The following PACRGL variants were observed in gnomAD, a reference collection of about 807,000 sequenced individuals.
PACRGL encodes parkin coregulated like.
A neutral mutation model predicts 34.5 loss-of-function variants in PACRGL; 38 were observed. That is an observed-to-expected ratio of 1.10 (90% CI 0.85 to 1.44). PACRGL has a LOEUF of 1.44. PACRGL is among the 40% of genes most tolerant of loss of function. The probability of loss-of-function intolerance (pLI) is 0.00; values close to 1 mark genes in which losing one functional copy is unlikely to be tolerated. For synonymous variants in PACRGL, 128 were observed against 100.1 expected, an observed-to-expected ratio of 1.28 and a Z score of -1.66; for missense variants, 305 against 281.4, an observed-to-expected ratio of 1.08 and a Z score of -0.60.
intron 7 of PACRGL, chr4:20,715,974 A>AT (rs2149124189): frequency 1.3e-6 from 1 of 765,476 alleles, no homozygotes; most frequent in East Asian, 2.7e-5. Flanking sequence ...GTCTTGTGTA[A>AT]TTATATGTTA....
chr4:20,746,697 G>A lies in PACRGL; in HGVS notation c.*57-5868G>A, dbSNP rs79683749. On this transcript the variant is annotated intron_variant, in intron 8 of 8. Transcript: ENST00000507634. ...ATGTTTTAGCAGTATGAATGCTAAG[G>A]TTAAGAAGGTTAAGTACTCAGCCTA... Among the ~76,000 whole-genome samples the A allele has an allele frequency of 9.8e-4, 149 of 152,212 alleles. 1 individual carries two copies. Among genetic ancestry groups the A allele is most frequent in the African/African-American group, 3.5e-3 (144 of 41,532 alleles).
chr4:20,730,430 CTACAGAGG>C lies in PACRGL; in HGVS notation c.*3091_*3098del. On this transcript the variant is annotated 3_prime_UTR_variant, in exon 9 of 9. Coordinates refer to ENST00000503585, the MANE Select transcript of PACRGL (RefSeq NM_001258345.3). ...TCAAATCATAATGCCAAAATGGAAA[CTACAGAGG>C]TGCAGAGGTGTGTCAAAGCAAATGA... 6.6e-6 allele frequency among the ~76,000 whole-genome samples: 1 copy of C among 152,068 alleles called. No homozygotes were observed. The highest frequency in any genetic ancestry group is 1.5e-5 in the Non-Finnish European group (1 of 68,010).
In PACRGL at chr4:20,732,100, G is replaced by T; in HGVS notation, c.*4759G>T. ...AGGAAGAAAACAAAAATTGTATTTA[G>T]ACTTATCCCTTAATACCCTCACACC... On this transcript the variant is annotated 3_prime_UTR_variant, in exon 9 of 9. Transcript: ENST00000503585. The T allele has an allele frequency of 6.7e-7, 1 of 1,483,310 alleles. No homozygotes were observed. The highest frequency in any genetic ancestry group is 9.4e-7 in the Non-Finnish European group (1 of 1,062,162). 91.9% of individuals were successfully genotyped at this position (1,483,310 alleles called of 1,614,324 possible).
chr4:20,737,463 CTTGAGAAGG>C (rs1255734907), downstream of PACRGL, among the ~76,000 whole-genome samples: 1 of 152,084 alleles, frequency 6.6e-6, no homozygotes, highest in African/African-American at 2.4e-5. Flanking sequence ...GGGCTGTGCT[CTTGAGAAGG>C]TGGGGAGGAT....
At chr4:20,734,853 T>A (rs1396512290), downstream of PACRGL, 1 of 544,256 alleles carries the variant, frequency 1.8e-6, no homozygotes, top group Non-Finnish European at 3.2e-6. Flanking sequence ...AGCAAAATGA[T>A]TGATGTGTTA....
At chr4:20,756,182 A>G (rs952504938), downstream of PACRGL, among the ~76,000 whole-genome samples, 2 of 151,998 alleles carry the variant, frequency 1.3e-5, no homozygotes, top group Non-Finnish European at 2.9e-5. Flanking sequence ...TAAAAAAAAA[A>G]AAAGTGTTGG....
At chr4:20,763,356 C>T in the PACRGL span, among the ~76,000 whole-genome samples, 2 of 152,122 alleles carry the variant, frequency 1.3e-5, no homozygotes, top group Non-Finnish European at 1.5e-5. Flanking sequence ...GGTGAGTGTA[C>T]AGATCAGCTG....
At chr4:20,698,461 G>A (rs974721486), upstream of PACRGL, among the ~76,000 whole-genome samples, 3 of 152,066 alleles carry the variant, frequency 2.0e-5, no homozygotes, top group Non-Finnish European at 2.9e-5. Context: ...TATGCTGATG[G>A]CTCAAAAATC....
intron 8 of PACRGL, among the ~76,000 whole-genome samples, chr4:20,748,082 A>G (rs1029441127): frequency 2.0e-5 from 3 of 152,012 alleles, no homozygotes; most frequent in African/African-American, 7.2e-5. Flanking sequence ...ATTACACTCC[A>G]TGTTTCCAGG....
chr4:20,735,519 T>G (rs146595370), downstream of PACRGL, among the ~76,000 whole-genome samples: 6 of 87,096 alleles, frequency 6.9e-5, no homozygotes, highest in Non-Finnish European at 1.4e-4. Flanking sequence ...TCATTTAGTG[T>G]TTTTTTTTTT....
chr4:20,714,627 G>A (rs891325763), intron 7 of PACRGL, among the ~76,000 whole-genome samples: 3 of 152,182 alleles, frequency 2.0e-5, no homozygotes, highest in Admixed American at 6.5e-5. Context: ...TGATTTTGCA[G>A]TGGCTGGTAC....
At position 20,704,460 on chromosome 4, in the gene PACRGL, C is replaced by G; in HGVS notation, c.-16-6C>G. The G allele has an allele frequency of 1.9e-6, 3 of 1,607,528 alleles. No individual in the cohort carries two copies. The highest frequency in any genetic ancestry group is 2.5e-6 in the Non-Finnish European group (3 of 1,177,760). On this transcript the variant is annotated splice_region_variant and splice_polypyrimidine_tract_variant and intron_variant, in intron 1 of 8. Transcript: ENST00000503585. ...TGAAATCAACTTTTTTTTTTTTAAACTGCAGGAGTGAAAGGGAAGCAATGC... is the reference window on the plus strand; with the variant it reads ...TGAAATCAACTTTTTTTTTTTTAAAGTGCAGGAGTGAAAGGGAAGCAATGC...
Position 20,729,196 on chromosome 4 carries a change from C to CTGTTAGGATTACT in PACRGL, c.*1861_*1873dup, listed in dbSNP as rs1553881177. ...AAGAGGACAGATTTGGCCTTTAATGCTGTTAGGATTACTTGTTATTAAGCA... is the reference window on the plus strand; with the variant it reads ...AAGAGGACAGATTTGGCCTTTAATGCTGTTAGGATTACTTGTTAGGATTACTTGTTATTAAGCA... On this transcript the variant is annotated 3_prime_UTR_variant, in exon 9 of 9. Coordinates refer to ENST00000503585, the MANE Select transcript of PACRGL (RefSeq NM_001258345.3). The CTGTTAGGATTACT allele has an allele frequency of 1.8e-4, 27 of 151,906 alleles. No individual in the cohort carries two copies. The East Asian group carries it at 5.2e-3, about 29-fold the overall frequency. 9.4% of individuals were successfully genotyped at this position (151,906 alleles called of 1,614,324 possible). A position where few individuals can be genotyped will look rare whatever the true frequency, so the allele number is the denominator to read the frequency against.
intron 8 of PACRGL, among the ~76,000 whole-genome samples, chr4:20,743,604 T>C (rs1316810153): frequency 2.0e-5 from 3 of 152,166 alleles, no homozygotes; most frequent in African/African-American, 7.2e-5. Context: ...CCTTACACTT[T>C]ATACAAAAAT....
At chr4:20,741,824 A>G (rs1751181188) in intron 8 of PACRGL, among the ~76,000 whole-genome samples, 1 of 152,116 alleles carries the variant, frequency 6.6e-6, no homozygotes, top group South Asian at 2.1e-4. Context: ...GACTGCTAGC[A>G]AGGCTAATAA....
At chr4:20,742,481 A>T (rs912160472) in intron 8 of PACRGL, among the ~76,000 whole-genome samples, 2 of 152,202 alleles carry the variant, frequency 1.3e-5, no homozygotes, top group African/African-American at 4.8e-5. Context: ...TGATTATCTC[A>T]ACAGACACAG....
chr4:20,701,074 C>T (rs1319699389), intron 1 of PACRGL, among the ~76,000 whole-genome samples: 4 of 152,260 alleles, frequency 2.6e-5, no homozygotes, highest in Non-Finnish European at 4.4e-5. Flanking sequence ...CAGAGCTTTA[C>T]AAATGGAACA....
At chr4:20,762,878 C>T in the PACRGL span, among the ~76,000 whole-genome samples, 1 of 152,108 alleles carries the variant, frequency 6.6e-6, no homozygotes, top group Non-Finnish European at 1.5e-5. Flanking sequence ...AGGTCAGCAT[C>T]CCTGGGAAGG....
At chr4:20,711,415 C>T (rs900263159) in intron 5 of PACRGL, among the ~76,000 whole-genome samples, 1 of 152,158 alleles carries the variant, frequency 6.6e-6, no homozygotes, top group East Asian at 1.9e-4. Flanking sequence ...AAATCCACTT[C>T]AGCTTTTAAT....
Sources: allele counts gnomAD v4.1 joint callset (sites outside exome capture counted in the v4.1 genomes callset), GRCh38; gene constraint gnomAD v4.1.1; transcripts MANE v1.5; gene names NCBI Gene and HGNC (gene_info 2026-07-23, HGNC 2026-07-21).